The following XRCC3 variants were observed in gnomAD, a reference collection of about 807,000 sequenced individuals.
The protein encoded by XRCC3 is X-ray repair cross complementing 3.
Under a neutral mutation model 29.2 loss-of-function variants are expected in XRCC3, and 34 were observed. That is an observed-to-expected ratio of 1.16 (90% CI 0.88 to 1.55). The LOEUF (loss-of-function observed/expected upper bound fraction) is 1.55, where lower values mean the gene tolerates loss of function less well. Ranked by LOEUF, XRCC3 falls within the 40% of genes most tolerant of loss-of-function variation. XRCC3 has a pLI of 0.00. For synonymous variants in XRCC3, 223 were observed against 211.3 expected (o/e 1.06, Z -0.48); for missense variants, 463 against 467.6 (o/e 0.99, Z 0.09).
At chr14:103,707,643 A>G (rs2083481742) in intron 5 of XRCC3, 1 of 289,742 alleles carries the variant, frequency 3.5e-6, no homozygotes, top group Non-Finnish European at 6.7e-6. Flanking sequence ...CATGCACACC[A>G]CATGCCGTCA....
At chr14:103,706,195 G>T in intron 6 of XRCC3, 1 of 396,742 alleles carries the variant, frequency 2.5e-6, no homozygotes, top group South Asian at 1.8e-5. Flanking sequence ...GGGTCCTGGG[G>T]ATGACGCTGA....
At position 103,712,870 on chromosome 14, in the gene XRCC3, C is replaced by G. The variant is rs2083682829; in HGVS notation, c.-261+5G>C. On this transcript the variant is annotated splice_donor_5th_base_variant and intron_variant, in intron 2 of 9. Transcript: ENST00000555055. ...AGAGTGTCCACTGACGGATAACAGA[C>G]TCACCGGTTGGCCAACGGCAGTCCG... 6.6e-6 allele frequency: 1 copy of G among 152,366 alleles called. No homozygotes were observed. The highest frequency in any genetic ancestry group is 1.5e-5 in the Non-Finnish European group (1 of 68,138). 9.4% of individuals were successfully genotyped at this position (152,366 alleles called of 1,614,324 possible).
chr14:103,708,701 C>CAA, intron 4 of XRCC3, 42 bp from the exon 5 acceptor site: 1 of 1,613,212 alleles, frequency 6.2e-7, no homozygotes, highest in Non-Finnish European at 8.5e-7. Context: ...GTCAGACTGT[C>CAA]ACAACGCAGG....
intron 1 of XRCC3, among the ~76,000 whole-genome samples, chr14:103,714,832 C>T (rs531990608): frequency 1.3e-5 from 2 of 152,176 alleles, no homozygotes; most frequent in African/African-American, 4.8e-5. Flanking sequence ...ATTACAGGCA[C>T]GTGCCACCAC....
Position 103,703,187 on chromosome 14 carries a change from G to A in XRCC3, c.547C>T (p.His183Tyr), listed in dbSNP as rs2083297657. 9 of 1,571,786 alleles carry A rather than the reference G, an allele frequency of 5.7e-6. No individual in the cohort carries two copies. The highest frequency in any genetic ancestry group is 7.8e-6 in the Non-Finnish European group (9 of 1,158,258). ...CCCACACTCACCACATCGGCCACGTGCTCGATGAAGATCTGGCTGCCAAAT... is the reference window on the plus strand; with the variant it reads ...CCCACACTCACCACATCGGCCACGTACTCGATGAAGATCTGGCTGCCAAAT... ...LRFGSQIFIE[H>Y]VADVDTLLEC... The change falls in exon 7 of 10, where the codon CAC becomes TAC. Residue 183 changes from histidine (H) to tyrosine (Y), a missense_variant. His to Tyr is a moderately conservative substitution (Grantham distance 83). Coordinates refer to ENST00000555055, the MANE Select transcript of XRCC3 (RefSeq NM_005432.4).
rs1486063332 is a variant in XRCC3 at position 103,698,805 on chromosome 14, G to A, written c.1034C>T (p.Ser345Phe). 1 of 1,597,356 alleles carries A rather than the reference G, an allele frequency of 6.3e-7. No homozygotes were observed. Among genetic ancestry groups the A allele is most frequent in the Admixed American group, 1.7e-5 (1 of 58,004 alleles). ...EGVRGTPGTQ[S>F]H ...TGTGCAGCCGCCACCGTGTCAGTGG[G>A]ACTGGGTCCCAGGTGTCCCTCGCAC... Residue 345 changes from serine to phenylalanine, a missense_variant, in exon 10 of 10, where the codon TCC (serine) becomes TTC (phenylalanine). Coordinates refer to ENST00000555055, the MANE Select transcript of XRCC3 (RefSeq NM_005432.4).
At chr14:103,701,084 CCTCTT>C in intron 7 of XRCC3, 1 of 1,295,534 alleles carries the variant, frequency 7.7e-7, no homozygotes, top group Non-Finnish European at 1.1e-6. Flanking sequence ...CCAGCAACAC[CCTCTT>C]CTCTAGGCAG....
chr14:103,706,753 G>T, intron 6 of XRCC3: 1 of 561,100 alleles, frequency 1.8e-6, no homozygotes, highest in Non-Finnish European at 3.2e-6. Context: ...TGGGGGCCTA[G>T]CTCTGCTGAG....
In XRCC3 at chr14:103,711,148, CAA is replaced by C. The variant is rs1408796860; in HGVS notation, c.-63_-62del. On this transcript the variant is annotated 5_prime_UTR_variant, in exon 4 of 10. In the 5' UTR this introduces an upstream ATG that the reference lacks. Transcript: ENST00000555055. ...CCCAGGAAAGACAGAACAATGGATG[CAA>C]ATTCTGAGGCACTCGCCTTCAATTC... The C allele has an allele frequency of 2.6e-5, 42 of 1,589,490 alleles. No individual in the cohort carries two copies. The East Asian group carries it at 8.9e-4, about 34-fold the overall frequency.
chr14:103,710,758 A>ACT, intron 4 of XRCC3: 1 of 431,308 alleles, frequency 2.3e-6, no homozygotes, highest in Non-Finnish European at 4.2e-6. Flanking sequence ...AAAAAAACTA[A>ACT]AAGACTTTAT....
chr14:103,708,222 C>G, intron 5 of XRCC3: 1 of 460,572 alleles, frequency 2.2e-6, no homozygotes. Context: ...GCCTGAAGGG[C>G]TCTGGGTGCT....
intron 7 of XRCC3, chr14:103,701,390 G>A (rs1007642201): frequency 7.7e-5 from 44 of 568,042 alleles, no homozygotes; most frequent in African/African-American, 6.5e-4. Context: ...CTGGGGCTGG[G>A]CCTAAGCTGG....
rs565514723 is a variant in XRCC3, at chr14:103,698,260, C to T, written c.*538G>A. On this transcript the variant is annotated 3_prime_UTR_variant, in exon 10 of 10. Coordinates refer to ENST00000555055, the MANE Select transcript of XRCC3 (RefSeq NM_005432.4). The stretch of plus-strand genomic sequence containing the variant: ...ACAGTGTGTGCCGAGGTGGGGCCCC[C>T]GGGAGCCAAGGACCCAGAGGTGGGT... 3.3e-3 allele frequency: 588 copies of T among 176,744 alleles called. 3 individuals carry two copies. Among genetic ancestry groups the T allele is most frequent in the African/African-American group, 0.012 (511 of 41,934 alleles). The allele number at this position is 176,744 out of a possible 1,614,324, so 10.9% of individuals were successfully genotyped here.
intron 5 of XRCC3, 171 bp from the exon 6 acceptor site, chr14:103,707,386 G>C (rs759426204): frequency 3.8e-6 from 3 of 788,078 alleles, no homozygotes; most frequent in Middle Eastern, 3.5e-4. Flanking sequence ...GGGCCCAGCC[G>C]GGAAGGGCGG....
At chr14:103,701,273 C>G in intron 7 of XRCC3, 1 of 1,507,634 alleles carries the variant, frequency 6.6e-7, no homozygotes, top group South Asian at 1.2e-5. Flanking sequence ...ACAGCCAGGG[C>G]GGCAGGGAGG....
In XRCC3 at chr14:103,698,606, C is replaced by T; in HGVS notation, c.*192G>A. On this transcript the variant is annotated 3_prime_UTR_variant, in exon 10 of 10. Transcript: ENST00000555055. ...TCCCCAGACCCAGGGAGAGGCAGAACATCCCCCCAGCTCAGATGGGGGTCA... is the reference window on the plus strand; with the variant it reads ...TCCCCAGACCCAGGGAGAGGCAGAATATCCCCCCAGCTCAGATGGGGGTCA... The T allele has an allele frequency of 1.6e-6, 1 of 626,838 alleles. No individual in the cohort carries two copies. The highest frequency in any genetic ancestry group is 2.8e-6 in the Non-Finnish European group (1 of 354,170). The allele number at this position is 626,838 out of a possible 1,614,324, so 38.8% of individuals were successfully genotyped here.
chr14:103,714,974 G>A (rs2083759197), intron 1 of XRCC3, among the ~76,000 whole-genome samples: 2 of 152,220 alleles, frequency 1.3e-5, no homozygotes, highest in African/African-American at 2.4e-5. Context: ...GTGAGCCACC[G>A]CGCCCGGCCT....
intron 6 of XRCC3, chr14:103,703,675 C>T (rs3212082): frequency 1.1e-5 from 4 of 369,770 alleles, no homozygotes; most frequent in Non-Finnish European, 2.1e-5. Context: ...TTCCCCACTG[C>T]AGGGCAGGGA....
At chr14:103,707,307 G>C in intron 5 of XRCC3, 92 bp from the exon 6 acceptor site, 2 of 1,465,094 alleles carry the variant, frequency 1.4e-6, no homozygotes, top group South Asian at 2.4e-5. Context: ...GCCTGTGCCA[G>C]GTGCAGTGTG....
Sources: allele counts gnomAD v4.1 joint callset (sites outside exome capture counted in the v4.1 genomes callset), GRCh38; gene constraint gnomAD v4.1.1; transcripts MANE v1.5; gene names NCBI Gene and HGNC (gene_info 2026-07-23, HGNC 2026-07-21).